Variants in C4orf54 observed in about 807,000 individuals in gnomAD.
C4orf54 encodes the protein uncharacterized protein C4orf54.
Under a neutral mutation model 80.1 loss-of-function variants are expected in C4orf54, and 67 were observed. The observed-to-expected ratio is 0.84, with a 90% confidence interval of 0.69 to 1.03. C4orf54 has a LOEUF of 1.03. C4orf54 is among the 50% of genes least tolerant of loss of function. The pLI is 0.00. For missense variants in C4orf54, 2,434 were observed against 2,253.5 expected (o/e 1.08, Z -1.62); for synonymous variants, 1,000 against 917.0 (o/e 1.09, Z -1.64).
chr4:99,652,004 G>A lies in C4orf54; in HGVS notation c.2645C>T (p.Ser882Phe), dbSNP rs1376546740. ...AGSEYTVVSM[S>F]DAGGEGSVAG... Reference sequence around the variant, plus strand: ...CACGGACCCCTCCCCGCCCGCGTCGGACATGCTGACCACTGTGTACTCGGA... The same window carrying A: ...CACGGACCCCTCCCCGCCCGCGTCGAACATGCTGACCACTGTGTACTCGGA... Residue 882 changes from serine (S) to phenylalanine (F), a missense_variant, in exon 2 of 3, where the codon TCC becomes TTC. Transcript: ENST00000511828. 2 of 1,536,158 alleles carry A rather than the reference G, an allele frequency of 1.3e-6. No individual in the cohort carries two copies. The highest frequency in any genetic ancestry group is 3.9e-5 in the Admixed American group (2 of 51,010).
At position 99,650,591 on chromosome 4, in the gene C4orf54, G is replaced by A. The variant is rs1560638056; in HGVS notation, c.4058C>T (p.Ser1353Phe). The change falls in exon 2 of 3, where the codon TCT becomes TTT. Residue 1353 changes from serine (S) to phenylalanine (F), a missense_variant. Physicochemically the swap from Ser to Phe is radical, Grantham distance 155. Coordinates refer to ENST00000511828, the MANE Select transcript of C4orf54 (RefSeq NM_001354435.2). ...GTTCTCAAAGGCCGCTGCCCTGGCA[G>A]ACACACTCTCAGCGCTGGGGTTGGA... ...RNSNPSAESV[S>F]ARAAAFENLA... 2.6e-6 allele frequency: 4 copies of A among 1,536,076 alleles called. No individual in the cohort carries two copies. Among genetic ancestry groups the A allele is most frequent in the Admixed American group, 2.0e-5 (1 of 51,002 alleles).
At chr4:99,647,408 T>C (rs1427202150) in intron 2 of C4orf54, among the ~76,000 whole-genome samples, 1 of 152,218 alleles carries the variant, frequency 6.6e-6, no homozygotes, top group African/African-American at 2.4e-5. Flanking sequence ...TATAGGCTAC[T>C]CTTTTCCTTC....
intron 2 of C4orf54, among the ~76,000 whole-genome samples, chr4:99,641,691 T>G (rs990073091): frequency 6.6e-6 from 1 of 152,172 alleles, no homozygotes; most frequent in Non-Finnish European, 1.5e-5. Context: ...CAAAATAAGA[T>G]GTACTGGTTA....
At chr4:99,655,381 C>T (rs1726963102) in intron 1 of C4orf54, among the ~76,000 whole-genome samples, 1 of 152,214 alleles carries the variant, frequency 6.6e-6, no homozygotes, top group African/African-American at 2.4e-5. Flanking sequence ...GATCCCTAAA[C>T]TTGTAGAACC....
rs369428539 is a variant in C4orf54 at position 99,637,281 on chromosome 4, C to T, written c.*3952G>A. On this transcript the variant is annotated 3_prime_UTR_variant, in exon 3 of 3. Transcript: ENST00000511828. ...CTAATAATGTGTTCTAGTTGCAACA[C>T]GAAATACTGAATGTTAATAGCTTAC... The T allele has an allele frequency of 1.1e-4, 17 of 152,258 alleles. No individual in the cohort carries two copies. The highest frequency in any genetic ancestry group is 3.8e-4 in the African/African-American group (16 of 41,566). The allele number at this position is 152,258 out of a possible 1,614,324, so 9.4% of individuals were successfully genotyped here.
chr4:99,649,990 C>A lies in C4orf54; in HGVS notation c.4659G>T (p.Glu1553Asp), dbSNP rs1156789966. 15 of 1,534,940 alleles carry A rather than the reference C, an allele frequency of 9.8e-6. No individual in the cohort carries two copies. The highest frequency in any genetic ancestry group is 1.4e-5 in the African/African-American group (1 of 72,858). Residue 1553 changes from glutamate (E) to aspartate (D), a missense_variant, in exon 2 of 3, where the codon GAG becomes GAT. Physicochemically the swap from Glu to Asp is conservative, Grantham distance 45. Transcript: ENST00000511828. Reference sequence around the variant, plus strand: ...GGTGGTAGATGGTGGTGGGGGGATGCTCGGGGCTCTGTGGCCCTGGGGGGG... The same window carrying A: ...GGTGGTAGATGGTGGTGGGGGGATGATCGGGGCTCTGTGGCCCTGGGGGGG... ...VAAPPGPQSP[E>D]HPPTTIYHQP...
chr4:99,653,577 C>T lies in C4orf54; in HGVS notation c.1072G>A (p.Asp358Asn). The change falls in exon 2 of 3, where the codon GAC becomes AAC. Residue 358 changes from aspartate (D) to asparagine (N), a missense_variant. Physicochemically the swap from Asp to Asn is conservative, Grantham distance 23. Coordinates refer to ENST00000511828, the MANE Select transcript of C4orf54 (RefSeq NM_001354435.2). ...DIIAKSQGSR[D>N]PPKVEEAHYI... ...TGAGCCTCTTCGACTTTGGGGGGGT[C>T]CCTGCTGCCCTGGGACTTGGCAATA... 2 of 1,535,972 alleles carry T rather than the reference C, an allele frequency of 1.3e-6. No homozygotes were observed. The highest frequency in any genetic ancestry group is 1.7e-6 in the Non-Finnish European group (2 of 1,146,862).
chr4:99,641,615 G>T (rs1043324920), intron 2 of C4orf54, among the ~76,000 whole-genome samples: 1 of 152,120 alleles, frequency 6.6e-6, no homozygotes, highest in Admixed American at 6.5e-5. Flanking sequence ...ACTCCATGCT[G>T]AGAATTCTTG....
rs1560637268 is a variant in C4orf54, at chr4:99,649,930, C to T, written c.4719G>A (p.Gln1573=). The change falls in exon 2 of 3, where the codon CAG becomes CAA. Residue 1573 remains glutamine, a synonymous_variant. Coordinates refer to ENST00000511828, the MANE Select transcript of C4orf54 (RefSeq NM_001354435.2). ...PPLPFTLQGA[Q]PQVLCFSPPS... Reference sequence around the variant, plus strand: ...GTGGGGAGAAGCAGAGGACCTGAGGCTGGGCCCCCTGTAGGGTGAAGGGCA... The same window carrying T: ...GTGGGGAGAAGCAGAGGACCTGAGGTTGGGCCCCCTGTAGGGTGAAGGGCA... The T allele has an allele frequency of 6.5e-7, 1 of 1,529,728 alleles. No homozygotes were observed. The highest frequency in any genetic ancestry group is 8.8e-7 in the Non-Finnish European group (1 of 1,142,164). 94.8% of individuals were successfully genotyped at this position (1,529,728 alleles called of 1,614,324 possible).
chr4:99,657,735 C>T lies in C4orf54; in HGVS notation c.-272G>A, dbSNP rs1329649525. Among the ~76,000 whole-genome samples, 1 of 152,150 alleles carries T rather than the reference C, an allele frequency of 6.6e-6. No individual in the cohort carries two copies. Among genetic ancestry groups the T allele is most frequent in the Non-Finnish European group, 1.5e-5 (1 of 68,024 alleles). On this transcript the variant is annotated 5_prime_UTR_variant, in exon 1 of 3. Coordinates refer to ENST00000511828, the MANE Select transcript of C4orf54 (RefSeq NM_001354435.2). ...AAGGCTAAAGTAAAACAATTAAGAA[C>T]CCCAAACTGCTTTCCCTCTGGCATT...
intron 2 of C4orf54, among the ~76,000 whole-genome samples, chr4:99,642,450 C>G (rs1726622376): frequency 6.6e-6 from 1 of 152,124 alleles, no homozygotes; most frequent in Non-Finnish European, 1.5e-5. Flanking sequence ...CGGTAATAGT[C>G]TGAGAAATGA....
At position 99,639,973 on chromosome 4, in the gene C4orf54, C is replaced by A. The variant is rs1342249275; in HGVS notation, c.*1260G>T. 1 of 151,898 alleles carries A rather than the reference C, an allele frequency of 6.6e-6. No homozygotes were observed. The highest frequency in any genetic ancestry group is 6.6e-5 in the Admixed American group (1 of 15,236). The allele number at this position is 151,898 out of a possible 1,614,324, so 9.4% of individuals were successfully genotyped here. A position where few individuals can be genotyped will look rare whatever the true frequency, so the allele number is the denominator to read the frequency against. On this transcript the variant is annotated 3_prime_UTR_variant, in exon 3 of 3. Transcript: ENST00000511828. ...TTCTTAAAAAAAAATCCTGGGAAAA[C>A]CTTCAAATTATTCCTTTAAAAAGTA...
chr4:99,650,699 C>T lies in C4orf54; in HGVS notation c.3950G>A (p.Gly1317Asp). The stretch of plus-strand genomic sequence containing the variant: ...TCCTGTGCCCCGCTCTTCCACCTCA[C>T]CCAGCCGTTTGGACAGCTTGTCGTG... ...GDHDKLSKRL[G>D]EVEERGTGNK... The change falls in exon 2 of 3, where the codon GGT (glycine) becomes GAT (aspartate). Residue 1317 changes from glycine (G) to aspartate (D), a missense_variant. Physicochemically the swap from Gly to Asp is moderately conservative, Grantham distance 94. Transcript: ENST00000511828. 1 of 1,536,168 alleles carries T rather than the reference C, an allele frequency of 6.5e-7. No homozygotes were observed. Among genetic ancestry groups the T allele is most frequent in the South Asian group, 1.2e-5 (1 of 84,058 alleles).
At chr4:99,648,630 G>C (rs1042257294) in intron 2 of C4orf54, among the ~76,000 whole-genome samples, 2 of 151,768 alleles carry the variant, frequency 1.3e-5, no homozygotes, top group East Asian at 3.9e-4. Flanking sequence ...AACATGTTCT[G>C]ATTATCTGAA....
chr4:99,653,443 C>A lies in C4orf54; in HGVS notation c.1206G>T (p.Ser402=), dbSNP rs554434528. Residue 402 remains serine, a synonymous_variant, in exon 2 of 3, where the codon TCG becomes TCT. Transcript: ENST00000511828. ...CACCAAAGGAAGCATAATCCACGAACGAGTAGATCACGTTGTTGTCCTCGA... is the reference window on the plus strand; with the variant it reads ...CACCAAAGGAAGCATAATCCACGAAAGAGTAGATCACGTTGTTGTCCTCGA... ...WDFEDNNVIY[S]FVDYASFGGS... 4.6e-6 allele frequency: 7 copies of A among 1,536,030 alleles called. No individual in the cohort carries two copies. The African/African-American group carries it at 9.6e-5, about 21-fold the overall frequency.
At chr4:99,646,275 A>G (rs1205917595) in intron 2 of C4orf54, among the ~76,000 whole-genome samples, 1 of 152,154 alleles carries the variant, frequency 6.6e-6, no homozygotes, top group Non-Finnish European at 1.5e-5. Context: ...GTAGGCCCCT[A>G]ATTTGTGTTA....
At position 99,650,905 on chromosome 4, in the gene C4orf54, C is replaced by T. The variant is rs1409445443; in HGVS notation, c.3744G>A (p.Lys1248=). The change falls in exon 2 of 3, where the codon AAG becomes AAA. Residue 1248 remains lysine (K), a synonymous_variant. Transcript: ENST00000511828. ...GCTTCTCCAGGGCATTCCGGGCTGG[C>T]TTCGTGGCTTTCCCTTCCTCCTTGA... is the stretch of plus-strand genomic sequence containing the variant. ...EEVKEEGKAT[K]PARNALEKLT... 1 of 1,536,142 alleles carries T rather than the reference C, an allele frequency of 6.5e-7. No homozygotes were observed. The highest frequency in any genetic ancestry group is 2.0e-5 in the Admixed American group (1 of 51,006).
intron 2 of C4orf54, among the ~76,000 whole-genome samples, chr4:99,641,474 C>T (rs1726606436): frequency 6.6e-6 from 1 of 151,936 alleles, no homozygotes; most frequent in Non-Finnish European, 1.5e-5. Flanking sequence ...GTTAAATGTT[C>T]CGTTTCATTG....
Position 99,654,330 on chromosome 4 carries a change from C to A in C4orf54, c.319G>T (p.Gly107Trp). Residue 107 changes from glycine (G) to tryptophan (W), a missense_variant, in exon 2 of 3, where the codon GGG becomes TGG. By Grantham distance (184) the Gly-to-Trp change is radical (BLOSUM62 -2). Coordinates refer to ENST00000511828, the MANE Select transcript of C4orf54 (RefSeq NM_001354435.2). ...TGCAGAGTTGCCCGAAGCAGGGTCCCACGTATCTGGACTGGCCCCAAGGCT... is the reference window on the plus strand; with the variant it reads ...TGCAGAGTTGCCCGAAGCAGGGTCCAACGTATCTGGACTGGCCCCAAGGCT... ...PTALGPVQIR[G>W]TLLRATLQPL... is the part of the protein sequence containing the mutation. 7.0e-7 allele frequency: 1 copy of A among 1,429,064 alleles called. No individual in the cohort carries two copies. The highest frequency in any genetic ancestry group is 9.5e-7 in the Non-Finnish European group (1 of 1,049,832). The allele number at this position is 1,429,064 out of a possible 1,614,324, so 88.5% of individuals were successfully genotyped here.
Sources: allele counts gnomAD v4.1 joint callset (sites outside exome capture counted in the v4.1 genomes callset), GRCh38; gene constraint gnomAD v4.1.1; transcripts MANE v1.5; gene names NCBI Gene and HGNC (gene_info 2026-07-23, HGNC 2026-07-21).